The following IGSF10 variants were observed in gnomAD, a reference collection of about 807,000 sequenced individuals.
IGSF10 encodes immunoglobulin superfamily member 10.
A neutral mutation model predicts 128.2 loss-of-function variants in IGSF10; 126 were observed. The observed-to-expected ratio is 0.98, with a 90% confidence interval of 0.85 to 1.14. The LOEUF is 1.14. IGSF10 is among the 50% of genes most tolerant of loss of function. The pLI, the probability that IGSF10 is intolerant of heterozygous loss-of-function variation, is 0.00. For synonymous variants in IGSF10, 1,185 were observed against 1,146.2 expected, an observed-to-expected ratio of 1.03 and a Z score of -0.68; for missense variants, 3,295 against 3,149.8, an observed-to-expected ratio of 1.05 and a Z score of -1.10.
At chr3:151,500,435 G>A in the IGSF10 span, among the ~76,000 whole-genome samples, 1 of 151,906 alleles carries the variant, frequency 6.6e-6, no homozygotes, top group Non-Finnish European at 1.5e-5. Context: ...TTTTATTTTG[G>A]GGCAGCAAGC....
At chr3:151,563,793 A>C in the IGSF10 span, among the ~76,000 whole-genome samples, 1 of 152,206 alleles carries the variant, frequency 6.6e-6, no homozygotes, top group African/African-American at 2.4e-5. Context: ...TATTTAACAA[A>C]TATTTATATA....
the IGSF10 span, among the ~76,000 whole-genome samples, chr3:151,496,060 C>T: frequency 6.6e-6 from 1 of 152,018 alleles, no homozygotes; most frequent in East Asian, 1.9e-4. Flanking sequence ...TTATGAAACA[C>T]GTTGAATATA....
At chr3:151,613,957 A>G in the IGSF10 span, among the ~76,000 whole-genome samples, 1 of 152,232 alleles carries the variant, frequency 6.6e-6, no homozygotes, top group African/African-American at 2.4e-5. Context: ...AGAATCTACA[A>G]TGAACTCAAA....
At chr3:151,587,937 G>A in the IGSF10 span, among the ~76,000 whole-genome samples, 2 of 152,196 alleles carry the variant, frequency 1.3e-5, no homozygotes, top group African/African-American at 4.8e-5. Context: ...GGAACTGTAA[G>A]TCCAATTAAA....
chr3:151,547,018 C>CA, the IGSF10 span, among the ~76,000 whole-genome samples: 1 of 152,030 alleles, frequency 6.6e-6, no homozygotes, highest in Non-Finnish European at 1.5e-5. Flanking sequence ...CGATCCACCC[C>CA]CCCCTTGGCC....
chr3:151,604,130 ATACTT>A, the IGSF10 span, among the ~76,000 whole-genome samples: 2 of 152,188 alleles, frequency 1.3e-5, no homozygotes, highest in East Asian at 1.9e-4. Context: ...ACTATATAGA[ATACTT>A]TAAAGTATAG....
chr3:151,518,595 G>C, the IGSF10 span, among the ~76,000 whole-genome samples: 1 of 151,938 alleles, frequency 6.6e-6, no homozygotes, highest in Non-Finnish European at 1.5e-5. Context: ...GACAGAGAGG[G>C]TGTTTTTCAA....
chr3:151,439,611 T>C (rs1398001102), intron 7 of IGSF10, among the ~76,000 whole-genome samples: 1 of 152,102 alleles, frequency 6.6e-6, no homozygotes, highest in Non-Finnish European at 1.5e-5. Context: ...TGAAACTGTT[T>C]TAGAAAAAAA....
At chr3:151,477,906 C>T in the IGSF10 span, among the ~76,000 whole-genome samples, 5 of 152,130 alleles carry the variant, frequency 3.3e-5, no homozygotes, top group Admixed American at 3.3e-4. Flanking sequence ...GGCTATGCTC[C>T]AATAAAACTT....
chr3:151,446,871 C>T lies in IGSF10; in HGVS notation c.3110G>A (p.Ser1037Asn), dbSNP rs1052347868. Reference sequence around the variant, plus strand: ...ACCTCTGGTTGTTGACCTGAAAATGCTGTATCTATGCCGTCGCAGAACTGG... The same window carrying T: ...ACCTCTGGTTGTTGACCTGAAAATGTTGTATCTATGCCGTCGCAGAACTGG... ...RTPVLRRHRY[S>N]IFRSTTRGSS... Residue 1037 changes from serine (S) to asparagine (N), a missense_variant, in exon 6 of 8, where the codon AGC becomes AAC. By Grantham distance (46) the Ser-to-Asn change is conservative (BLOSUM62 1). Transcript: ENST00000282466. The T allele has an allele frequency of 6.2e-7, 1 of 1,614,172 alleles. No individual in the cohort carries two copies. Among genetic ancestry groups the T allele is most frequent in the Non-Finnish European group, 8.5e-7 (1 of 1,180,010 alleles).
chr3:151,466,027 CTTTTTTT>C (rs1560186407), upstream of IGSF10, among the ~76,000 whole-genome samples: 1 of 152,074 alleles, frequency 6.6e-6, no homozygotes, highest in Admixed American at 6.5e-5. Context: ...TATCATTTTC[CTTTTTTT>C]GTCTATAAAT....
chr3:151,614,091 C>T, the IGSF10 span, among the ~76,000 whole-genome samples: 3 of 152,190 alleles, frequency 2.0e-5, no homozygotes, highest in Admixed American at 1.3e-4. Flanking sequence ...CACTGGCCAT[C>T]AGATAAATGC....
the IGSF10 span, among the ~76,000 whole-genome samples, chr3:151,569,364 G>T: frequency 2.6e-5 from 4 of 152,150 alleles, no homozygotes; most frequent in Non-Finnish European, 5.9e-5. Context: ...GAGCCACTGT[G>T]CCCGGCCTTT....
At chr3:151,617,260 C>CTCTTCT in the IGSF10 span, among the ~76,000 whole-genome samples, 1,949 of 55,704 alleles carry the variant, frequency 0.035, 97 homozygotes, top group Non-Finnish European at 0.04. Flanking sequence ...TCTTCTCCTT[C>CTCTTCT]TCTTCTTCTT....
At chr3:151,523,602 C>G in the IGSF10 span, among the ~76,000 whole-genome samples, 1 of 152,150 alleles carries the variant, frequency 6.6e-6, no homozygotes, top group Non-Finnish European at 1.5e-5. Context: ...GCTGGGATAA[C>G]TGGCCAGCCA....
At chr3:151,596,595 G>C in the IGSF10 span, among the ~76,000 whole-genome samples, 1 of 152,082 alleles carries the variant, frequency 6.6e-6, no homozygotes, top group Non-Finnish European at 1.5e-5. Flanking sequence ...TGACACCAGC[G>C]TCTTAGAGAC....
chr3:151,508,856 T>C, the IGSF10 span, among the ~76,000 whole-genome samples: 1 of 152,324 alleles, frequency 6.6e-6, no homozygotes, highest in South Asian at 2.1e-4. Flanking sequence ...ATTATATATG[T>C]TTCAAAATTG....
chr3:151,501,233 C>T, the IGSF10 span, among the ~76,000 whole-genome samples: 1 of 152,024 alleles, frequency 6.6e-6, no homozygotes, highest in Non-Finnish European at 1.5e-5. Flanking sequence ...AAGTTTGCCT[C>T]AAGCTTCCCT....
chr3:151,557,994 A>G, the IGSF10 span, among the ~76,000 whole-genome samples: 2 of 96,548 alleles, frequency 2.1e-5, no homozygotes, highest in Non-Finnish European at 4.0e-5. Flanking sequence ...AAGCAAATAT[A>G]AAGTATATAT....
Sources: allele counts gnomAD v4.1 joint callset (sites outside exome capture counted in the v4.1 genomes callset), GRCh38; gene constraint gnomAD v4.1.1; transcripts MANE v1.5; gene names NCBI Gene and HGNC (gene_info 2026-07-23, HGNC 2026-07-21).